Variants in SUCLG2 observed in about 807,000 individuals in gnomAD.
SUCLG2 encodes the protein succinate--CoA ligase [GDP-forming] subunit beta, mitochondrial.
SUCLG2 carries 42 observed loss-of-function variants against 47.9 expected under a neutral mutation model. That is an observed-to-expected ratio of 0.88 (90% CI 0.69 to 1.14). The LOEUF (loss-of-function observed/expected upper bound fraction) is 1.14, where lower values mean the gene tolerates loss of function less well. Among genes scored for constraint, SUCLG2 ranks in the 50% most tolerant of loss-of-function variants. SUCLG2 has a pLI of 0.00. For synonymous variants in SUCLG2, 195 were observed against 197.3 expected (o/e 0.99, Z 0.10); for missense variants, 571 against 525.9 (o/e 1.09, Z -0.84).
intron 9 of SUCLG2, among the ~76,000 whole-genome samples, chr3:67,422,298 C>T (rs1459625983): frequency 6.6e-6 from 1 of 151,140 alleles, no homozygotes; most frequent in East Asian, 1.9e-4. Flanking sequence ...ATGGTGAAAC[C>T]CTGTCTCTAC....
chr3:67,368,483 C>T (rs9833822), intron 10 of SUCLG2, among the ~76,000 whole-genome samples: 36,707 of 151,950 alleles, frequency 0.24, 4,524 homozygotes, highest in Non-Finnish European at 0.27. Flanking sequence ...TTGTCCTTGT[C>T]CTATGTATTA....
intron 9 of SUCLG2, among the ~76,000 whole-genome samples, chr3:67,441,355 T>A (rs1026805262): frequency 3.1e-4 from 47 of 150,914 alleles, no homozygotes; most frequent in Non-Finnish European, 2.1e-4. Flanking sequence ...TGCACATGTA[T>A]CTCAGAACTT....
intron 9 of SUCLG2, among the ~76,000 whole-genome samples, chr3:67,473,863 C>A (rs1704667333): frequency 1.3e-5 from 2 of 152,156 alleles, no homozygotes; most frequent in Admixed American, 6.5e-5. Context: ...TCTTATCATG[C>A]CAGCTCAGCT....
At chr3:67,387,831 T>C (rs539213015) in intron 10 of SUCLG2, among the ~76,000 whole-genome samples, 1 of 152,122 alleles carries the variant, frequency 6.6e-6, no homozygotes, top group South Asian at 2.1e-4. Flanking sequence ...ACTTCCAAGG[T>C]TTATGCCTGT....
At position 67,495,792 on chromosome 3, in the gene SUCLG2, G is replaced by C; in HGVS notation, c.1062+6C>G. 1 of 1,613,332 alleles carries C rather than the reference G, an allele frequency of 6.2e-7. No individual in the cohort carries two copies. ...CATATAATCTCCCTACAAAGAGAAA[G>C]GTTACCTTAGGATCAGCTGTGAGCA... On this transcript the variant is annotated splice_donor_region_variant and intron_variant, in intron 9 of 10. Coordinates refer to ENST00000307227, the MANE Select transcript of SUCLG2 (RefSeq NM_003848.4).
intron 9 of SUCLG2, among the ~76,000 whole-genome samples, chr3:67,433,323 T>C (rs1260799456): frequency 2.6e-5 from 4 of 152,226 alleles, no homozygotes; most frequent in Non-Finnish European, 5.9e-5. Flanking sequence ...AAGCTAAATA[T>C]GCTACTGGTT....
downstream of SUCLG2, among the ~76,000 whole-genome samples, chr3:67,371,206 A>T (rs1450536281): frequency 6.6e-6 from 1 of 152,070 alleles, no homozygotes; most frequent in African/African-American, 2.4e-5. Flanking sequence ...AACACAAGGG[A>T]GGAACAAGAA....
intron 9 of SUCLG2, among the ~76,000 whole-genome samples, chr3:67,420,655 T>A (rs1012604671): frequency 6.6e-6 from 1 of 152,182 alleles, no homozygotes; most frequent in Admixed American, 6.5e-5. Context: ...TCCTACAACA[T>A]GACTTACAGA....
downstream of SUCLG2, among the ~76,000 whole-genome samples, chr3:67,374,347 C>CA (rs1401710412): frequency 2.0e-5 from 3 of 152,186 alleles, no homozygotes; most frequent in East Asian, 5.8e-4. Context: ...AAAAAACAAA[C>CA]AAAATAGTTT....
chr3:67,650,983 T>C (rs899340825), intron 1 of SUCLG2, among the ~76,000 whole-genome samples: 1 of 151,920 alleles, frequency 6.6e-6, no homozygotes, highest in African/African-American at 2.4e-5. Context: ...CCTGGCTATA[T>C]TACACCACCA....
chr3:67,514,009 G>T (rs535427063), intron 6 of SUCLG2: 6 of 331,364 alleles, frequency 1.8e-5, no homozygotes, highest in South Asian at 8.3e-5. Context: ...AGCGGAATAC[G>T]ACATATCCCT....
At chr3:67,386,651 G>GAT (rs1702267302) in intron 10 of SUCLG2, among the ~76,000 whole-genome samples, 1 of 152,146 alleles carries the variant, frequency 6.6e-6, no homozygotes, top group African/African-American at 2.4e-5. Flanking sequence ...CAGATCTTGT[G>GAT]AGGCTTATTC....
chr3:67,430,213 T>A (rs1703438987), intron 9 of SUCLG2, among the ~76,000 whole-genome samples: 1 of 152,114 alleles, frequency 6.6e-6, no homozygotes, highest in Non-Finnish European at 1.5e-5. Context: ...AAAAAACTCA[T>A]CAGCAAATGA....
At chr3:67,564,740 G>C (rs1393601330) in intron 2 of SUCLG2, among the ~76,000 whole-genome samples, 7 of 152,192 alleles carry the variant, frequency 4.6e-5, no homozygotes, top group Admixed American at 4.6e-4. Context: ...TCTATTGTTA[G>C]TGTGTTTTAT....
chr3:67,453,657 T>C (rs1704109944), intron 9 of SUCLG2, among the ~76,000 whole-genome samples: 1 of 152,220 alleles, frequency 6.6e-6, no homozygotes, highest in Admixed American at 6.5e-5. Flanking sequence ...GCCTTACTGG[T>C]TACCAGGCTA....
At chr3:67,564,055 T>C (rs1707387969) in intron 2 of SUCLG2, among the ~76,000 whole-genome samples, 1 of 151,346 alleles carries the variant, frequency 6.6e-6, no homozygotes, top group Non-Finnish European at 1.5e-5. Flanking sequence ...TGTGAAAGAA[T>C]AGAGGGAGAG....
At chr3:67,434,027 T>G (rs191692275) in intron 9 of SUCLG2, among the ~76,000 whole-genome samples, 2 of 152,102 alleles carry the variant, frequency 1.3e-5, no homozygotes, top group East Asian at 3.9e-4. Flanking sequence ...ACACTAGAGG[T>G]TGACAAAGTG....
chr3:67,421,609 C>T (rs1246866760), intron 9 of SUCLG2, among the ~76,000 whole-genome samples: 1 of 152,202 alleles, frequency 6.6e-6, no homozygotes, highest in Non-Finnish European at 1.5e-5. Context: ...AGATCACTAG[C>T]ACCAGACTGT....
At chr3:67,376,717 A>C (rs764979121) in intron 10 of SUCLG2, among the ~76,000 whole-genome samples, 22 of 152,210 alleles carry the variant, frequency 1.4e-4, no homozygotes, top group Admixed American at 2.6e-4. Context: ...ATGCTGGATT[A>C]AATAGAAATG....
Sources: gnomAD v4.1 joint callset for allele counts (sites outside exome capture counted in the v4.1 genomes callset) on GRCh38, gnomAD v4.1.1 for gene constraint, MANE v1.5 for transcripts, NCBI Gene and HGNC (gene_info 2026-07-23, HGNC 2026-07-21) for gene names.